The following STXBP5L variants were observed in gnomAD, a reference collection of about 807,000 sequenced individuals.
The protein encoded by STXBP5L is syntaxin-binding protein 5-like.
Under a neutral mutation model 144.5 loss-of-function variants are expected in STXBP5L, and 65 were observed. That is an observed-to-expected ratio of 0.45 (90% CI 0.37 to 0.55). STXBP5L has a LOEUF of 0.55. Ranked by LOEUF, STXBP5L falls within the 20% of genes least tolerant of loss-of-function variation. STXBP5L has a pLI of 0.00. For synonymous variants in STXBP5L, 505 were observed against 469.6 expected (o/e 1.08, Z -0.97); for missense variants, 1,298 against 1,405.5 (o/e 0.92, Z 1.22).
intron 2 of STXBP5L, among the ~76,000 whole-genome samples, chr3:120,927,495 G>A (rs939966224): frequency 1.3e-5 from 2 of 152,218 alleles, no homozygotes; most frequent in Non-Finnish European, 2.9e-5. Context: ...CTGGGTTGGG[G>A]TAGAGACAGG....
intron 3 of STXBP5L, among the ~76,000 whole-genome samples, chr3:121,027,091 G>GTA (rs1464921803): frequency 6.6e-6 from 1 of 151,650 alleles, no homozygotes; most frequent in African/African-American, 2.4e-5. Context: ...CTATTTATGT[G>GTA]TATATATGTA....
intron 2 of STXBP5L, among the ~76,000 whole-genome samples, chr3:120,933,511 T>C (rs951250669): frequency 1.3e-5 from 2 of 152,176 alleles, no homozygotes; most frequent in African/African-American, 4.8e-5. Context: ...ATAATATCTT[T>C]AACAAATATA....
intron 5 of STXBP5L, among the ~76,000 whole-genome samples, chr3:121,070,683 C>T (rs2041770596): frequency 6.6e-6 from 1 of 151,960 alleles, no homozygotes; most frequent in African/African-American, 2.4e-5. Flanking sequence ...ACCCCACGAC[C>T]CGAATAATGG....
intron 20 of STXBP5L, among the ~76,000 whole-genome samples, chr3:121,363,412 A>G (rs1312911860): frequency 6.6e-6 from 1 of 152,296 alleles, no homozygotes; most frequent in East Asian, 1.9e-4. Flanking sequence ...TGATGTTTCC[A>G]CATACTCAAG....
At chr3:121,127,214 G>C (rs1195135667) in intron 7 of STXBP5L, among the ~76,000 whole-genome samples, 1 of 148,476 alleles carries the variant, frequency 6.7e-6, no homozygotes, top group Non-Finnish European at 1.5e-5. Flanking sequence ...TGCTTATAAG[G>C]AGACCAAATA....
chr3:121,057,674 T>G (rs989727835), intron 5 of STXBP5L, among the ~76,000 whole-genome samples: 4 of 152,126 alleles, frequency 2.6e-5, no homozygotes, highest in Non-Finnish European at 5.9e-5. Context: ...TTCATTATTA[T>G]GTACTATTCT....
At chr3:121,093,604 G>C (rs2042946856) in intron 5 of STXBP5L, among the ~76,000 whole-genome samples, 1 of 152,050 alleles carries the variant, frequency 6.6e-6, no homozygotes, top group African/African-American at 2.4e-5. Context: ...TATTTCTGTG[G>C]GATCAGTGGT....
In STXBP5L at chr3:121,423,671, A is replaced by C. The variant is rs138267257; in HGVS notation, c.*4574A>C. 2 of 152,336 alleles carry C rather than the reference A, an allele frequency of 1.3e-5. No individual in the cohort carries two copies. Among genetic ancestry groups the C allele is most frequent in the African/African-American group, 4.8e-5 (2 of 41,578 alleles). The allele number at this position is 152,336 out of a possible 1,614,324, so 9.4% of individuals were successfully genotyped here. On this transcript the variant is annotated 3_prime_UTR_variant, in exon 27 of 27. Transcript: ENST00000471454. Reference sequence around the variant, plus strand: ...CATTTGGAGTGGGAACCAGACACCAATATTTGCGAAAGCCTCCAAGGCGGT... The same window carrying C: ...CATTTGGAGTGGGAACCAGACACCACTATTTGCGAAAGCCTCCAAGGCGGT...
At chr3:121,267,747 G>T (rs989085791) in intron 18 of STXBP5L, among the ~76,000 whole-genome samples, 2 of 152,030 alleles carry the variant, frequency 1.3e-5, no homozygotes, top group Non-Finnish European at 2.9e-5. Context: ...GTTGGCAAAC[G>T]ATAGGAACAG....
intron 5 of STXBP5L, among the ~76,000 whole-genome samples, chr3:121,113,666 C>CTTTTTTTTTTTTTTTTTTTTTTTTTT (rs1273804231): frequency 7.5e-6 from 1 of 132,902 alleles, no homozygotes. Context: ...ATTCTTTTTT[C>CTTTTTTTTTTTTTTTTTTTTTTTTTT]TTTTTCTTTT....
chr3:121,100,454 A>G (rs1479303481), intron 5 of STXBP5L, among the ~76,000 whole-genome samples: 1 of 152,124 alleles, frequency 6.6e-6, no homozygotes, highest in Non-Finnish European at 1.5e-5. Context: ...TTATTACCAC[A>G]CAATTACATG....
intron 22 of STXBP5L, among the ~76,000 whole-genome samples, chr3:121,383,983 G>C (rs1434778650): frequency 6.6e-6 from 1 of 152,116 alleles, no homozygotes; most frequent in South Asian, 2.1e-4. Context: ...CTCTGACCTT[G>C]AATGCATCTT....
chr3:121,351,408 G>T (rs560573655), intron 20 of STXBP5L, among the ~76,000 whole-genome samples: 2 of 152,180 alleles, frequency 1.3e-5, no homozygotes, highest in Admixed American at 1.3e-4. Flanking sequence ...CAGGGGTTAG[G>T]GACCCACTTG....
chr3:121,385,429 G>A (rs537143596), intron 22 of STXBP5L, among the ~76,000 whole-genome samples: 20 of 152,274 alleles, frequency 1.3e-4, no homozygotes, highest in Admixed American at 6.5e-4. Flanking sequence ...AGGAGATGGC[G>A]CTAAGCCATT....
intron 20 of STXBP5L, among the ~76,000 whole-genome samples, chr3:121,342,927 C>T (rs2044779799): frequency 6.7e-6 from 1 of 150,268 alleles, no homozygotes; most frequent in Non-Finnish European, 1.5e-5. Flanking sequence ...GCCACACTGA[C>T]TTCCACAATG....
chr3:121,287,033 C>T (rs527891383), intron 19 of STXBP5L, among the ~76,000 whole-genome samples: 1 of 152,252 alleles, frequency 6.6e-6, no homozygotes, highest in South Asian at 2.1e-4. Flanking sequence ...TACAGTGTTT[C>T]CTCCTAGAGC....
intron 20 of STXBP5L, among the ~76,000 whole-genome samples, chr3:121,350,995 C>T (rs998235197): frequency 1.3e-5 from 2 of 152,120 alleles, no homozygotes; most frequent in Non-Finnish European, 2.9e-5. Flanking sequence ...TGTTCCATTG[C>T]TGGTGAGGAG....
intron 20 of STXBP5L, among the ~76,000 whole-genome samples, chr3:121,361,930 T>C (rs977124229): frequency 1.3e-5 from 2 of 152,196 alleles, no homozygotes; most frequent in Non-Finnish European, 2.9e-5. Context: ...TTTGTATCCA[T>C]ACTTCTTGAA....
chr3:121,227,797 A>G (rs555293614), intron 11 of STXBP5L, among the ~76,000 whole-genome samples: 4 of 152,286 alleles, frequency 2.6e-5, no homozygotes, highest in Non-Finnish European at 5.9e-5. Context: ...ATATCTTGGC[A>G]TATCAGAATT....
Sources: allele counts gnomAD v4.1 joint callset (sites outside exome capture counted in the v4.1 genomes callset), GRCh38; gene constraint gnomAD v4.1.1; transcripts MANE v1.5; gene names NCBI Gene and HGNC (gene_info 2026-07-23, HGNC 2026-07-21).